The following RNF24 variants were observed in gnomAD, a reference collection of about 807,000 sequenced individuals.
RNF24 encodes ring finger protein 24.
Under a neutral mutation model 20.0 loss-of-function variants are expected in RNF24, and 14 were observed. That is an observed-to-expected ratio of 0.70 (90% CI 0.46 to 1.10). The LOEUF (loss-of-function observed/expected upper bound fraction) is 1.10. RNF24 is among the 50% of genes least tolerant of loss of function. RNF24 has a pLI of 0.00. For synonymous variants in RNF24, 45 were observed against 61.1 expected (o/e 0.74, Z 1.23); for missense variants, 124 against 177.6 (o/e 0.70, Z 1.71).
At chr20:3,960,952 C>A (rs2091195477) in intron 2 of RNF24, among the ~76,000 whole-genome samples, 1 of 152,022 alleles carries the variant, frequency 6.6e-6, no homozygotes, top group Non-Finnish European at 1.5e-5. Flanking sequence ...TGCCACCACA[C>A]CCAACTAATT....
At chr20:3,950,978 CAG>C (rs2091074635) in intron 2 of RNF24, among the ~76,000 whole-genome samples, 1 of 152,074 alleles carries the variant, frequency 6.6e-6, no homozygotes, top group South Asian at 2.1e-4. Flanking sequence ...TTTTTGGAGA[CAG>C]AGTCTCGCTC....
At chr20:3,943,300 G>GGTT (rs1568617939) in intron 4 of RNF24, among the ~76,000 whole-genome samples, 3 of 149,368 alleles carry the variant, frequency 2.0e-5, no homozygotes, top group African/African-American at 2.5e-5. Context: ...ATCCCAGCAG[G>GGTT]ATTTTTTTTT....
At chr20:3,963,605 T>C (rs2091226486) in intron 2 of RNF24, among the ~76,000 whole-genome samples, 1 of 152,192 alleles carries the variant, frequency 6.6e-6, no homozygotes, top group African/African-American at 2.4e-5. Flanking sequence ...GACAATGACA[T>C]ACGTGTATCT....
chr20:3,985,158 C>A (rs1260457801), intron 1 of RNF24, among the ~76,000 whole-genome samples: 4 of 152,156 alleles, frequency 2.6e-5, no homozygotes, highest in African/African-American at 7.2e-5. Context: ...TTACTGACTA[C>A]CTCATTATTT....
intron 1 of RNF24, among the ~76,000 whole-genome samples, chr20:4,010,595 T>A (rs1396552338): frequency 6.6e-6 from 1 of 152,214 alleles, no homozygotes; most frequent in African/African-American, 2.4e-5. Flanking sequence ...GGTGGATTTT[T>A]AAAAAATGCA....
At position 3,931,919 on chromosome 20, in the gene RNF24, T is replaced by G. The variant is rs1235474771; in HGVS notation, c.*2144A>C. On this transcript the variant is annotated 3_prime_UTR_variant, in exon 6 of 6. Transcript: ENST00000358395. ...CTCTGACACGGGGGGATGAATTAAC[T>G]TGCCTCTGTTCAAATATACAGACTT... 1.3e-5 allele frequency: 2 copies of G among 152,234 alleles called. No individual in the cohort carries two copies. Among genetic ancestry groups the G allele is most frequent in the Admixed American group, 1.3e-4 (2 of 15,288 alleles). The allele number at this position is 152,234 out of a possible 1,614,324, so 9.4% of individuals were successfully genotyped here.
intron 2 of RNF24, among the ~76,000 whole-genome samples, chr20:3,955,443 G>C (rs2091131602): frequency 6.6e-6 from 1 of 152,138 alleles, no homozygotes; most frequent in Non-Finnish European, 1.5e-5. Flanking sequence ...ATTTGTCATA[G>C]ATGTTTGGAT....
intron 4 of RNF24, among the ~76,000 whole-genome samples, chr20:3,942,559 G>A (rs1381731137): frequency 1.3e-5 from 2 of 151,990 alleles, no homozygotes; most frequent in South Asian, 2.1e-4. Context: ...TGCAAGCTCC[G>A]CCTCCCAGGT....
chr20:3,996,996 G>A (rs534033099), intron 1 of RNF24, among the ~76,000 whole-genome samples: 6 of 152,014 alleles, frequency 3.9e-5, no homozygotes, highest in Admixed American at 2.6e-4. Flanking sequence ...CGAGGCAGGC[G>A]GATCACGAGG....
chr20:4,006,116 T>C (rs184420623), intron 1 of RNF24, among the ~76,000 whole-genome samples: 5 of 152,274 alleles, frequency 3.3e-5, no homozygotes, highest in African/African-American at 1.2e-4. Flanking sequence ...GTGGCTCACA[T>C]TTGTAATCCC....
chr20:3,931,224 AAC>A lies in RNF24; in HGVS notation c.*2837_*2838del, dbSNP rs2090817635. On this transcript the variant is annotated 3_prime_UTR_variant, in exon 6 of 6. Transcript: ENST00000358395. ...CATTCTATCTTTGAGCTGCTTAAGAAACACACAAAGGATACCAGCCAGTGGTC... is the reference window on the plus strand; with the variant it reads ...CATTCTATCTTTGAGCTGCTTAAGAAACACAAAGGATACCAGCCAGTGGTC... 1.3e-5 allele frequency: 2 copies of A among 152,226 alleles called. No individual in the cohort carries two copies. Among genetic ancestry groups the A allele is most frequent in the African/African-American group, 4.8e-5 (2 of 41,438 alleles). The allele number at this position is 152,226 out of a possible 1,614,324, so 9.4% of individuals were successfully genotyped here.
At position 3,945,202 on chromosome 20, in the gene RNF24, T is replaced by G. The variant is rs138194749; in HGVS notation, c.203A>C (p.Lys68Thr). The G allele has an allele frequency of 6.9e-5, 111 of 1,597,220 alleles. No homozygotes were observed. Among genetic ancestry groups the G allele is most frequent in the Non-Finnish European group, 8.7e-5 (102 of 1,171,710 alleles). Residue 68 changes from lysine to threonine, a missense_variant, in exon 4 of 6, where the codon AAA becomes ACA. Transcript: ENST00000358395. ...YAYKQVILKE[K>T]VKELNLHELC... The stretch of plus-strand genomic sequence containing the variant: ...CTCATGTAAATTCAATTCTTTTACT[T>G]TCTCTTTTAATATAACCTGTAAGAC...
chr20:3,971,854 C>T (rs1032454933), intron 1 of RNF24, among the ~76,000 whole-genome samples: 13 of 152,036 alleles, frequency 8.6e-5, no homozygotes, highest in African/African-American at 2.7e-4. Flanking sequence ...AATTAAAACA[C>T]AGAGACTGGC....
In RNF24 at chr20:3,940,722, C is replaced by T. The variant is rs577584404; in HGVS notation, c.228+4455G>A. The stretch of plus-strand genomic sequence containing the variant: ...CATTACTGGTAAGGGATGAATGATT[C>T]AAGTGACCTGATTTCTCATCAGAAA... On this transcript the variant is annotated intron_variant, in intron 4 of 5. Coordinates refer to ENST00000358395, the MANE Select transcript of RNF24 (RefSeq NM_001134337.3). Among the ~76,000 whole-genome samples, 23 of 152,178 alleles carry T rather than the reference C, an allele frequency of 1.5e-4. No homozygotes were observed. The East Asian group carries it at 2.5e-3, about 17-fold the overall frequency.
chr20:3,961,130 G>A (rs2091197356), intron 2 of RNF24, among the ~76,000 whole-genome samples: 6 of 152,126 alleles, frequency 3.9e-5, no homozygotes, highest in African/African-American at 1.4e-4. Context: ...GGCTGGGTGT[G>A]GTGGCTCATG....
chr20:3,955,768 T>C (rs2091135018), intron 2 of RNF24, among the ~76,000 whole-genome samples: 1 of 152,152 alleles, frequency 6.6e-6, no homozygotes, highest in African/African-American at 2.4e-5. Context: ...GAACATGGGG[T>C]GCCTTTACAT....
rs1394550409 is a variant in RNF24, at chr20:4,000,420, G to C, written c.-8+15017C>G. ...CATGCCTGTAATCCCAGCTACTTGGGAGGCTGAGGCAGGAAAATTGCTTGA... is the reference window on the plus strand; with the variant it reads ...CATGCCTGTAATCCCAGCTACTTGGCAGGCTGAGGCAGGAAAATTGCTTGA... On this transcript the variant is annotated intron_variant, in intron 1 of 5. Coordinates refer to ENST00000358395, the MANE Select transcript of RNF24 (RefSeq NM_001134337.3). Among the ~76,000 whole-genome samples the C allele has an allele frequency of 2.0e-5, 3 of 152,262 alleles. No homozygotes were observed. The East Asian group carries it at 5.8e-4, about 29-fold the overall frequency.
At chr20:3,970,124 G>A (rs1235665441) in intron 1 of RNF24, among the ~76,000 whole-genome samples, 3 of 152,108 alleles carry the variant, frequency 2.0e-5, no homozygotes, top group Non-Finnish European at 4.4e-5. Context: ...GACAGAGGAG[G>A]ATCTCGTGAA....
intron 1 of RNF24, among the ~76,000 whole-genome samples, chr20:3,985,664 G>A (rs1244477979): frequency 6.7e-6 from 1 of 149,656 alleles, no homozygotes; most frequent in African/African-American, 2.5e-5. Flanking sequence ...TTGTTATTTT[G>A]GTGAGTCTAT....
Sources: gnomAD v4.1 joint callset for allele counts (sites outside exome capture counted in the v4.1 genomes callset) on GRCh38, gnomAD v4.1.1 for gene constraint, MANE v1.5 for transcripts, NCBI Gene and HGNC (gene_info 2026-07-23, HGNC 2026-07-21) for gene names.